Variants in ZSCAN18 observed in about 807,000 individuals in gnomAD.
The protein encoded by ZSCAN18 is zinc finger and SCAN domain-containing protein 18.
ZSCAN18 carries 16 observed loss-of-function variants against 31.1 expected under a neutral mutation model. That is an observed-to-expected ratio of 0.51 (90% CI 0.35 to 0.78). The LOEUF (loss-of-function observed/expected upper bound fraction) is 0.78, where lower values mean the gene tolerates loss of function less well. ZSCAN18 is among the 30% of genes least tolerant of loss of function. ZSCAN18 has a pLI of 0.01. For missense variants in ZSCAN18, 731 were observed against 697.4 expected, an observed-to-expected ratio of 1.05 and a Z score of -0.54; for synonymous variants, 375 against 320.7, an observed-to-expected ratio of 1.17 and a Z score of -1.81.
At chr19:58,094,360 G>A (rs1202505090) in intron 1 of ZSCAN18, among the ~76,000 whole-genome samples, 5 of 151,068 alleles carry the variant, frequency 3.3e-5, no homozygotes, top group Admixed American at 6.6e-5. Flanking sequence ...GCAGTGAGCC[G>A]AGATCGCGCC....
At position 58,085,145 on chromosome 19, in the gene ZSCAN18, G is replaced by A; in HGVS notation, c.1073C>T (p.Pro358Leu). 1 of 1,610,790 alleles carries A rather than the reference G, an allele frequency of 6.2e-7. No individual in the cohort carries two copies. Among genetic ancestry groups the A allele is most frequent in the Non-Finnish European group, 8.5e-7 (1 of 1,179,014 alleles). ...GSQRQSVIQQ[P>L]APDRGTAKLG... ...TTTCGCCGTGCCCCTGTCCGGGGCA[G>A]GCTGCTGGATGACGGACTGCCTCTG... Residue 358 changes from proline (P) to leucine (L), a missense_variant, in exon 7 of 7, where the codon CCT (proline) becomes CTT (leucine). Physicochemically the swap from Pro to Leu is moderately conservative, Grantham distance 98 (BLOSUM62 -3). Coordinates refer to ENST00000601144, the MANE Select transcript of ZSCAN18 (RefSeq NM_001145543.2).
At chr19:58,089,740 C>T in intron 2 of ZSCAN18, 125 bp downstream of exon 2, 1 of 1,244,336 alleles carries the variant, frequency 8.0e-7, no homozygotes, top group Non-Finnish European at 1.1e-6. Context: ...GGCCCGAGGA[C>T]CAAGGAGCTG....
intron 1 of ZSCAN18, among the ~76,000 whole-genome samples, chr19:58,110,744 A>G (rs1394894405): frequency 1.3e-5 from 2 of 152,244 alleles, no homozygotes; most frequent in East Asian, 3.8e-4. Flanking sequence ...CCCTTTTATT[A>G]TAAATTGAAG....
In ZSCAN18 at chr19:58,088,815, C is replaced by T. The variant is rs554004796; in HGVS notation, c.426G>A (p.Ala142=). Residue 142 remains alanine (A), a synonymous_variant, in exon 3 of 7, where the codon GCG becomes GCA. Transcript: ENST00000601144. The part of the protein sequence containing the change: ...EEPGMLLGSP[A]GSSSILSDGV... ...CATCGCTAAGAATTGAGGATGAGCC[C>T]GCAGGGGAGCCCAGCAGCATCCCTG... 32 of 1,612,514 alleles carry T rather than the reference C, an allele frequency of 2.0e-5. No individual in the cohort carries two copies. Among genetic ancestry groups the T allele is most frequent in the South Asian group, 1.3e-4 (12 of 91,068 alleles).
intron 2 of ZSCAN18, among the ~76,000 whole-genome samples, chr19:58,089,252 G>T (rs1220145993): frequency 1.5e-5 from 2 of 131,164 alleles, no homozygotes; most frequent in Non-Finnish European, 3.1e-5. Context: ...GCAGTGAGCC[G>T]AGATCCCGCC....
At chr19:58,111,919 T>C (rs1489854232) in intron 1 of ZSCAN18, among the ~76,000 whole-genome samples, 1 of 152,232 alleles carries the variant, frequency 6.6e-6, no homozygotes, top group Non-Finnish European at 1.5e-5. Flanking sequence ...AATTAGTTAA[T>C]GTAAGACATC....
intron 1 of ZSCAN18, chr19:58,109,270 A>G: frequency 8.1e-7 from 1 of 1,231,714 alleles, no homozygotes. Flanking sequence ...CACCATCCCA[A>G]GTTGATGCTT....
Position 58,085,126 on chromosome 19 carries a change from C to T in ZSCAN18, c.1092G>A (p.Thr364=), listed in dbSNP as rs549321719. 8.1e-6 allele frequency: 13 copies of T among 1,608,236 alleles called. No homozygotes were observed. The highest frequency in any genetic ancestry group is 3.4e-6 in the Non-Finnish European group (4 of 1,177,710). ...GCGGCCTCTTGGTTCCCAGTTTCGC[C>T]GTGCCCCTGTCCGGGGCAGGCTGCT... ...VIQQPAPDRG[T]AKLGTKRPHP... Residue 364 remains threonine, a synonymous_variant, in exon 7 of 7, where the codon ACG becomes ACA. Transcript: ENST00000601144.
intron 1 of ZSCAN18, chr19:58,093,171 C>A (rs995675539): frequency 6.6e-6 from 1 of 152,284 alleles, no homozygotes; most frequent in Non-Finnish European, 1.5e-5. Context: ...CTGACACCCG[C>A]TCACTGCCCC....
At chr19:58,113,092 G>T (rs924231959) in intron 1 of ZSCAN18, among the ~76,000 whole-genome samples, 13 of 151,740 alleles carry the variant, frequency 8.6e-5, no homozygotes, top group Non-Finnish European at 1.8e-4. Context: ...GAGGCAGGCA[G>T]ATCACGAGGT....
chr19:58,107,052 C>A (rs1484185003), intron 1 of ZSCAN18, among the ~76,000 whole-genome samples: 1 of 151,744 alleles, frequency 6.6e-6, no homozygotes, highest in African/African-American at 2.4e-5. Flanking sequence ...CGTGAGCCAC[C>A]GTGCCTGGCC....
At chr19:58,092,281 AC>A (rs979999151) in intron 1 of ZSCAN18, among the ~76,000 whole-genome samples, 1 of 152,066 alleles carries the variant, frequency 6.6e-6, no homozygotes, top group Non-Finnish European at 1.5e-5. Context: ...ACAAAACAAA[AC>A]AAAAAAACAG....
At chr19:58,101,400 T>G (rs1272337649), upstream of ZSCAN18, among the ~76,000 whole-genome samples, 1 of 150,948 alleles carries the variant, frequency 6.6e-6, no homozygotes, top group South Asian at 2.1e-4. Context: ...CCACCCGCCT[T>G]GGCCTCCCAA....
chr19:58,098,814 C>T (rs2074567855), upstream of ZSCAN18, among the ~76,000 whole-genome samples: 3 of 152,092 alleles, frequency 2.0e-5, no homozygotes, highest in African/African-American at 7.2e-5. Flanking sequence ...ACCAGCAGAC[C>T]CAGTACTGGG....
At chr19:58,106,477 C>T (rs572044873) in intron 1 of ZSCAN18, among the ~76,000 whole-genome samples, 957 of 55,496 alleles carry the variant, frequency 0.017, 353 homozygotes, top group Middle Eastern at 0.056. Context: ...CCGAGGCGGG[C>T]GGATCACGAG....
At chr19:58,092,771 C>CT (rs925285750) in intron 1 of ZSCAN18, 56,260 of 758,208 alleles carry the variant, frequency 0.074, no homozygotes, top group Non-Finnish European at 0.081. Context: ...GATACCTCTA[C>CT]TTTTTTTTTT....
chr19:58,091,128 G>T (rs2074401624), intron 1 of ZSCAN18, among the ~76,000 whole-genome samples: 2 of 151,648 alleles, frequency 1.3e-5, no homozygotes, highest in Admixed American at 1.3e-4. Context: ...AACTAGCTGG[G>T]TGTGGTGGTG....
intron 1 of ZSCAN18, among the ~76,000 whole-genome samples, chr19:58,097,114 G>A (rs888836217): frequency 3.9e-5 from 6 of 152,162 alleles, no homozygotes; most frequent in African/African-American, 1.4e-4. Context: ...TGGAACCGAG[G>A]AGGTGACATG....
upstream of ZSCAN18, among the ~76,000 whole-genome samples, chr19:58,099,283 AG>A (rs1455256443): frequency 6.6e-6 from 1 of 152,152 alleles, no homozygotes. Flanking sequence ...CCATAACCCC[AG>A]GAACAGCTAA....
Sources: gnomAD v4.1 joint callset for allele counts (sites outside exome capture counted in the v4.1 genomes callset) on GRCh38, gnomAD v4.1.1 for gene constraint, MANE v1.5 for transcripts, NCBI Gene and HGNC (gene_info 2026-07-23, HGNC 2026-07-21) for gene names.